The following NLGN4Y variants were observed in gnomAD, a reference collection of about 807,000 sequenced individuals.
NLGN4Y encodes neuroligin-4, Y-linked.
NLGN4Y carries 4 observed loss-of-function variants against 8.4 expected under a neutral mutation model. That is an observed-to-expected ratio of 0.48 (90% CI 0.23 to 1.09). NLGN4Y has a LOEUF of 1.09. NLGN4Y is among the 50% of genes least tolerant of loss of function. NLGN4Y has a pLI of 0.19. For missense variants in NLGN4Y, 90 were observed against 192.3 expected (o/e 0.47, Z 3.15); for synonymous variants, 35 against 75.6 (o/e 0.46, Z 2.78).
chrY:14,697,669 G>T (rs2080836489), intron 2 of NLGN4Y, among the ~76,000 whole-genome samples: 1 of 31,963 alleles, frequency 3.1e-5, no homozygotes, highest in African/African-American at 1.2e-4. Context: ...AGATACATAG[G>T]CAGGTAGGTA....
intron 4 of NLGN4Y, among the ~76,000 whole-genome samples, chrY:14,731,333 C>T (rs2080972040): frequency 3.1e-5 from 1 of 31,910 alleles, no homozygotes; most frequent in African/African-American, 1.2e-4. Context: ...ACGCCTGGCC[C>T]CAAATGGTAG....
intron 2 of NLGN4Y, among the ~76,000 whole-genome samples, chrY:14,712,662 T>C (rs2080903020): frequency 3.0e-5 from 1 of 33,650 alleles, no homozygotes; most frequent in Non-Finnish European, 7.3e-5. Flanking sequence ...CGTGCATGCA[T>C]TTTCCTGCCA....
chrY:14,621,914 A>T, intron 1 of NLGN4Y, 95 bp from the exon 2 acceptor site: 1 of 167,917 alleles, frequency 6.0e-6, no homozygotes, highest in Non-Finnish European at 1.1e-5. Context: ...GGAATTTCAT[A>T]GAGAGATGTT....
chrY:14,624,449 CTG>C (rs2080521337), intron 2 of NLGN4Y, among the ~76,000 whole-genome samples: 1 of 33,562 alleles, frequency 3.0e-5, no homozygotes, highest in African/African-American at 1.2e-4. Context: ...GAGTATAACT[CTG>C]TGAAAAATGC....
At chrY:14,763,854 C>A (rs2081087499) in intron 4 of NLGN4Y, among the ~76,000 whole-genome samples, 1 of 33,162 alleles carries the variant, frequency 3.0e-5, no homozygotes, top group Admixed American at 2.7e-4. Context: ...GGTAAGGCTG[C>A]CTGATCTTTA....
intron 2 of NLGN4Y, among the ~76,000 whole-genome samples, chrY:14,687,310 C>A: frequency 3.1e-5 from 1 of 32,323 alleles, no homozygotes; most frequent in Non-Finnish European, 7.6e-5. Context: ...AGGGAAGAGC[C>A]AGTGCCAAGG....
intron 1 of NLGN4Y, among the ~76,000 whole-genome samples, chrY:14,563,550 C>A (rs929352325): frequency 6.0e-4 from 20 of 33,377 alleles, no homozygotes; most frequent in African/African-American, 2.3e-3. Context: ...ATGATGCTGG[C>A]CTCATAAAAT....
At chrY:14,604,241 A>G (rs972992965) in intron 1 of NLGN4Y, among the ~76,000 whole-genome samples, 2 of 33,008 alleles carry the variant, frequency 6.1e-5, no homozygotes, top group Non-Finnish European at 1.5e-4. Context: ...TGAATCTACC[A>G]TATCTTGATT....
intron 4 of NLGN4Y, among the ~76,000 whole-genome samples, chrY:14,807,088 A>C (rs2043060296): frequency 3.0e-5 from 1 of 33,637 alleles, no homozygotes; most frequent in Non-Finnish European, 7.4e-5. Context: ...AATAAGTAAG[A>C]ACTTAAAGAG....
intron 1 of NLGN4Y, among the ~76,000 whole-genome samples, chrY:14,527,309 G>C: frequency 3.0e-5 from 1 of 33,786 alleles, no homozygotes; most frequent in African/African-American, 1.2e-4. Flanking sequence ...AATATTTTAA[G>C]TCATTTAATG....
intron 2 of NLGN4Y, among the ~76,000 whole-genome samples, chrY:14,662,451 T>C (rs1165078695): frequency 8.9e-5 from 3 of 33,653 alleles, no homozygotes. Context: ...AGCAAGACTA[T>C]ATACACACAC....
intron 2 of NLGN4Y, among the ~76,000 whole-genome samples, chrY:14,644,718 C>A (rs2150517168): frequency 3.0e-5 from 1 of 33,301 alleles, no homozygotes; most frequent in South Asian, 6.8e-4. Flanking sequence ...TAGACCAAAT[C>A]ATTCACACTT....
chrY:14,766,902 CAT>C (rs2081095077), intron 4 of NLGN4Y, among the ~76,000 whole-genome samples: 1 of 32,894 alleles, frequency 3.0e-5, no homozygotes. Flanking sequence ...TAGTTTTTAA[CAT>C]ATTTTAAAAA....
At chrY:14,536,632 C>T in intron 1 of NLGN4Y, among the ~76,000 whole-genome samples, 1 of 33,019 alleles carries the variant, frequency 3.0e-5, no homozygotes, top group Non-Finnish European at 7.4e-5. Context: ...TGGAGTGCCT[C>T]ATTCCTGTAA....
chrY:14,523,638 C>A, upstream of NLGN4Y: 1 of 117,495 alleles, frequency 8.5e-6, no homozygotes, highest in Non-Finnish European at 1.9e-5. Flanking sequence ...TTTAAGAAAA[C>A]CACCACTGCC....
At chrY:14,701,981 T>A (rs2080849698) in intron 2 of NLGN4Y, among the ~76,000 whole-genome samples, 1 of 31,207 alleles carries the variant, frequency 3.2e-5, no homozygotes, top group African/African-American at 1.2e-4. Flanking sequence ...GAGTATAAAT[T>A]TTTATTTATT....
At chrY:14,593,203 G>A (rs530471274) in intron 1 of NLGN4Y, among the ~76,000 whole-genome samples, 1 of 33,776 alleles carries the variant, frequency 3.0e-5, no homozygotes, top group African/African-American at 1.2e-4. Context: ...TATCCAATTT[G>A]TAAAGGTATC....
At chrY:14,749,589 C>G in intron 4 of NLGN4Y, among the ~76,000 whole-genome samples, 1 of 33,680 alleles carries the variant, frequency 3.0e-5, no homozygotes, top group South Asian at 6.6e-4. Context: ...GGATGCTATT[C>G]TGGCGCAGCT....
intron 1 of NLGN4Y, among the ~76,000 whole-genome samples, chrY:14,621,081 G>GT (rs577020169): frequency 7.6e-3 from 209 of 27,537 alleles, no homozygotes; most frequent in East Asian, 0.075. Flanking sequence ...ATCTTGTACA[G>GT]TTTTTTTTTT....
Sources: allele counts gnomAD v4.1 joint callset (sites outside exome capture counted in the v4.1 genomes callset), GRCh38; gene constraint gnomAD v4.1.1; transcripts MANE v1.5; gene names NCBI Gene and HGNC (gene_info 2026-07-23, HGNC 2026-07-21).